Variants in ALG12 observed in about 807,000 individuals in gnomAD.
ALG12 encodes dol-P-Man:Man(7)GlcNAc(2)-PP-Dol alpha-1,6-mannosyltransferase.
Under a neutral mutation model 46.0 loss-of-function variants are expected in ALG12, and 36 were observed. The observed-to-expected ratio is 0.78, with a 90% confidence interval of 0.60 to 1.03. The LOEUF is 1.03. Ranked by LOEUF, ALG12 falls within the 50% of genes least tolerant of loss-of-function variation. ALG12 has a pLI of 0.00. For missense variants in ALG12, 599 were observed against 633.5 expected (o/e 0.95, Z 0.58); for synonymous variants, 326 against 291.6 (o/e 1.12, Z -1.20).
At chr22:49,912,344 C>A (rs1427244635) in intron 3 of ALG12, among the ~76,000 whole-genome samples, 1 of 152,212 alleles carries the variant, frequency 6.6e-6, no homozygotes, top group Non-Finnish European at 1.5e-5. Flanking sequence ...CCCAGCTCTG[C>A]CCAACCTCCC....
chr22:49,873,458 AT>A, the ALG12 span, among the ~76,000 whole-genome samples: 2 of 152,176 alleles, frequency 1.3e-5, no homozygotes, highest in East Asian at 3.8e-4. Context: ...GCTCACGTTA[AT>A]TACGATGGTA....
chr22:49,896,950 A>G (rs1601812417), downstream of ALG12, among the ~76,000 whole-genome samples: 1 of 152,012 alleles, frequency 6.6e-6, no homozygotes, highest in South Asian at 2.1e-4. Context: ...CCACTTTTAA[A>G]GTGAAGCAGA....
chr22:49,866,462 T>A, the ALG12 span, among the ~76,000 whole-genome samples: 2 of 152,184 alleles, frequency 1.3e-5, no homozygotes, highest in East Asian at 3.8e-4. Flanking sequence ...TTCTCCTGTT[T>A]CTTCTTTTTT....
intron 1 of ALG12, among the ~76,000 whole-genome samples, chr22:49,914,639 C>T (rs1601827815): frequency 6.6e-6 from 1 of 152,224 alleles, no homozygotes; most frequent in Admixed American, 6.5e-5. Context: ...ACGTTTCTGG[C>T]TTCTTTTAAA....
chr22:49,908,931 G>A (rs1401347236), intron 6 of ALG12, among the ~76,000 whole-genome samples: 2 of 145,436 alleles, frequency 1.4e-5, no homozygotes, highest in Non-Finnish European at 3.0e-5. Context: ...CAGCCTGGGC[G>A]ACAGAGCGAG....
chr22:49,880,133 C>T, the ALG12 span, among the ~76,000 whole-genome samples: 1 of 78,952 alleles, frequency 1.3e-5, no homozygotes, highest in Non-Finnish European at 4.0e-5. Context: ...TTGAGGCTGG[C>T]GTTTAAGCTG....
the ALG12 span, chr22:49,886,161 C>T: frequency 2.9e-5 from 20 of 696,712 alleles, no homozygotes; most frequent in Non-Finnish European, 4.7e-5. This position sits in a 1 kb window ranked among gnomAD's most constrained non-coding sequence, Gnocchi z 7.7. Flanking sequence ...ATACGGTGAA[C>T]CTGATCGTCA....
the ALG12 span, among the ~76,000 whole-genome samples, chr22:49,865,372 G>C: frequency 1.3e-5 from 2 of 152,226 alleles, no homozygotes; most frequent in African/African-American, 4.8e-5. Context: ...CACGGGGGCC[G>C]GGCGCAGTGG....
intron 6 of ALG12, 38 bp from the exon 7 acceptor site, chr22:49,907,982 G>A (rs777979140): frequency 4.6e-5 from 73 of 1,596,658 alleles, no homozygotes; most frequent in African/African-American, 2.7e-5. Context: ...ACCTGTCCAC[G>A]CATGAGCCCG....
At chr22:49,907,661 A>T in intron 7 of ALG12, 60 bp downstream of exon 7, 2 of 1,549,848 alleles carry the variant, frequency 1.3e-6, no homozygotes. Context: ...CCCAACAGTA[A>T]ATCAGTGAAC....
rs776634067 is a variant in ALG12, at chr22:49,907,808, T to C, written c.905A>G (p.Tyr302Cys). 6.2e-7 allele frequency: 1 copy of C among 1,613,302 alleles called. No homozygotes were observed. The highest frequency in any genetic ancestry group is 1.1e-5 in the South Asian group (1 of 91,026). Residue 302 changes from tyrosine to cysteine, a missense_variant, in exon 7 of 10, where the codon TAC (tyrosine) becomes TGC (cysteine). Tyr to Cys is a radical substitution (Grantham distance 194). Transcript: ENST00000330817. ...TVLALGFMAL[Y>C]SLLPHKELRF... is the part of the protein sequence containing the mutation. The stretch of plus-strand genomic sequence containing the variant: ...TAGCTCCTTGTGTGGCAGGAGGGAG[T>C]AGAGTGCCATGAAGCCCAGTGCCAG...
Position 49,905,655 on chromosome 22 carries a change from G to A in ALG12, c.993-1149C>T, listed in dbSNP as rs2060538218. The stretch of plus-strand genomic sequence containing the variant: ...TCCGCCATAATGGAAAGTTTTCCCA[G>A]GCCAGCCTGGAAGCTGAGCAGACAC... On this transcript the variant is annotated intron_variant, in intron 7 of 9. Transcript: ENST00000330817. This position sits in a 1 kb window ranked among gnomAD's most constrained non-coding sequence, Gnocchi z 4.9. Among the ~76,000 whole-genome samples the A allele has an allele frequency of 6.6e-6, 1 of 152,214 alleles. No homozygotes were observed. The highest frequency in any genetic ancestry group is 2.4e-5 in the African/African-American group (1 of 41,454).
Position 49,904,018 on chromosome 22 carries a change from G to A in ALG12, c.1287C>T (p.Tyr429=). 1 of 1,614,202 alleles carries A rather than the reference G, an allele frequency of 6.2e-7. No individual in the cohort carries two copies. Among genetic ancestry groups the A allele is most frequent in the Middle Eastern group, 1.6e-4 (1 of 6,062 alleles). Residue 429 remains tyrosine (Y), a synonymous_variant, in exon 10 of 10, where the codon TAC becomes TAT. Coordinates refer to ENST00000330817, the MANE Select transcript of ALG12 (RefSeq NM_024105.4). ...GGGCCGCCTCCATGAGGATGTGTGT[G>A]TATGCCAGCATGCCTGTCCCCGGCT... ...DVQPGTGMLA[Y]THILMEAAPG...
downstream of ALG12, among the ~76,000 whole-genome samples, chr22:49,898,716 C>T (rs2147569925): frequency 6.6e-6 from 1 of 152,180 alleles, no homozygotes; most frequent in Admixed American, 6.5e-5. Context: ...GAGAAAAGTG[C>T]ACAGGCAATT....
At chr22:49,896,565 T>C (rs981229585), downstream of ALG12, among the ~76,000 whole-genome samples, 1 of 152,252 alleles carries the variant, frequency 6.6e-6, no homozygotes, top group African/African-American at 2.4e-5. Context: ...ACAGCATCAG[T>C]GAAGTCTTAA....
intron 1 of ALG12, among the ~76,000 whole-genome samples, chr22:49,916,107 A>C (rs2060607705): frequency 6.6e-6 from 1 of 151,674 alleles, no homozygotes; most frequent in Admixed American, 6.6e-5. Flanking sequence ...AAAATACAAA[A>C]AAATTAGCTG....
At chr22:49,872,638 T>G in the ALG12 span, among the ~76,000 whole-genome samples, 2 of 152,062 alleles carry the variant, frequency 1.3e-5, no homozygotes, top group Non-Finnish European at 2.9e-5. Context: ...CAAGCGAACC[T>G]CCCGTCTCAG....
At chr22:49,907,035 G>A (rs1483030621) in intron 7 of ALG12, among the ~76,000 whole-genome samples, 1 of 152,090 alleles carries the variant, frequency 6.6e-6, no homozygotes, top group African/African-American at 2.4e-5. Context: ...CTCCCCGCAG[G>A]AAGCCCCCTG....
the ALG12 span, among the ~76,000 whole-genome samples, chr22:49,881,206 G>A: frequency 6.6e-6 from 1 of 152,072 alleles, no homozygotes; most frequent in African/African-American, 2.4e-5. Flanking sequence ...GGAATTAGCC[G>A]GGTGTCATGG....
Sources: gnomAD v4.1 joint callset for allele counts (sites outside exome capture counted in the v4.1 genomes callset) on GRCh38, gnomAD v4.1.1 for gene constraint, Gnocchi (gnomAD v3.1) non-coding constraint, MANE v1.5 for transcripts, NCBI Gene and HGNC (gene_info 2026-07-23, HGNC 2026-07-21) for gene names.